Variants in SRXN1 observed in about 807,000 individuals in gnomAD.
SRXN1 encodes sulfiredoxin-1.
Under a neutral mutation model 11.0 loss-of-function variants are expected in SRXN1, and 11 were observed. The observed-to-expected ratio is 1.00, with a 90% CI of 0.63 to 1.65. The LOEUF is 1.65. Ranked by LOEUF, SRXN1 falls within the 40% of genes most tolerant of loss-of-function variation. The probability of loss-of-function intolerance (pLI) is 0.00; values close to 1 mark genes in which losing one functional copy is unlikely to be tolerated. For synonymous variants in SRXN1, 106 were observed against 92.8 expected, an observed-to-expected ratio of 1.14 and a Z score of -0.82; for missense variants, 211 against 194.5, an observed-to-expected ratio of 1.08 and a Z score of -0.50.
At chr20:652,366 G>T (rs1983694683) in intron 1 of SRXN1, among the ~76,000 whole-genome samples, 1 of 152,176 alleles carries the variant, frequency 6.6e-6, no homozygotes, top group Non-Finnish European at 1.5e-5. Flanking sequence ...CCAAGTTCCT[G>T]CCAGAATCAC....
rs1313694886 is a variant in SRXN1 at position 646,783 on chromosome 20, T to C, written c.*1931A>G. 1 of 152,082 alleles carries C rather than the reference T, an allele frequency of 6.6e-6. No homozygotes were observed. Among genetic ancestry groups the C allele is most frequent in the Non-Finnish European group, 1.5e-5 (1 of 68,010 alleles). 9.4% of individuals were successfully genotyped at this position (152,082 alleles called of 1,614,324 possible). A position where few individuals can be genotyped will look rare whatever the true frequency, so the allele number is the denominator to read the frequency against. ...GTCAAAACCAAGAGACTGAAATTGG[T>C]ATATTAACTAAAATTCAGACTTTTT... On this transcript the variant is annotated 3_prime_UTR_variant, in exon 2 of 2. Coordinates refer to ENST00000381962, the MANE Select transcript of SRXN1 (RefSeq NM_080725.3).
At position 647,959 on chromosome 20, in the gene SRXN1, C is replaced by G; in HGVS notation, c.*755G>C. The G allele has an allele frequency of 2.4e-6, 1 of 408,164 alleles. No homozygotes were observed. The highest frequency in any genetic ancestry group is 4.9e-6 in the Non-Finnish European group (1 of 202,622). 25.3% of individuals were successfully genotyped at this position (408,164 alleles called of 1,614,324 possible). A position where few individuals can be genotyped will look rare whatever the true frequency, so the allele number is the denominator to read the frequency against. On this transcript the variant is annotated 3_prime_UTR_variant, in exon 2 of 2. Transcript: ENST00000381962. ...TCTATTCAGCCATGACAATTCTGTTCCCTGCTGTCTTAGCTTTGTTTGCAG... is the reference window on the plus strand; with the variant it reads ...TCTATTCAGCCATGACAATTCTGTTGCCTGCTGTCTTAGCTTTGTTTGCAG...
rs145519957 is a variant in SRXN1 at position 648,565 on chromosome 20, T to G, written c.*149A>C. 1 of 843,008 alleles carries G rather than the reference T, an allele frequency of 1.2e-6. No individual in the cohort carries two copies. The highest frequency in any genetic ancestry group is 2.5e-5 in the East Asian group (1 of 40,274). 52.2% of individuals were successfully genotyped at this position (843,008 alleles called of 1,614,324 possible). A position where few individuals can be genotyped will look rare whatever the true frequency, so the allele number is the denominator to read the frequency against. ...ACTGTACAGTGAGTCCAAGGCCTTG[T>G]AGCTGGTGAGAGGGGTGCCCAGAGT... On this transcript the variant is annotated 3_prime_UTR_variant, in exon 2 of 2. Transcript: ENST00000381962.
intron 1 of SRXN1, 57 bp downstream of exon 1, chr20:652,919 G>T (rs1166293563): frequency 1.2e-4 from 115 of 941,796 alleles, no homozygotes; most frequent in Non-Finnish European, 1.4e-4. Context: ...CCCTCCTCCG[G>T]CAACCTCCCT....
chr20:648,366 AT>A lies in SRXN1; in HGVS notation c.*347del. On this transcript the variant is annotated 3_prime_UTR_variant, in exon 2 of 2. Coordinates refer to ENST00000381962, the MANE Select transcript of SRXN1 (RefSeq NM_080725.3). ...AAGGTTTTCCTTTCCTTGCAGCTGA[AT>A]GTAGTCCATATAAGAGGTTACATAG... The A allele has an allele frequency of 2.0e-6, 1 of 495,024 alleles. No homozygotes were observed. The highest frequency in any genetic ancestry group is 4.0e-6 in the Non-Finnish European group (1 of 253,026). The allele number at this position is 495,024 out of a possible 1,614,324, so 30.7% of individuals were successfully genotyped here.
In SRXN1 at chr20:653,020, C is replaced by T. The variant is rs1261839304; in HGVS notation, c.166G>A (p.Val56Met). 3 of 1,571,320 alleles carry T rather than the reference C, an allele frequency of 1.9e-6. No individual in the cohort carries two copies. Among genetic ancestry groups the T allele is most frequent in the Non-Finnish European group, 2.6e-6 (3 of 1,161,692 alleles). ...CTCTGCACCTTGGCGGGGTCCAACA[C>T]GGACGGCAGCGGCCGGATGAGCACG... Reference protein sequence around the residue: ...LSVLIRPLPSVLDPAKVQSLV... With the variant: ...LSVLIRPLPSMLDPAKVQSLV... The change falls in exon 1 of 2, where the codon GTG becomes ATG. Residue 56 changes from valine (V) to methionine (M), a missense_variant. Physicochemically the swap from Val to Met is conservative, Grantham distance 21 (BLOSUM62 1). Coordinates refer to ENST00000381962, the MANE Select transcript of SRXN1 (RefSeq NM_080725.3).
At position 648,567 on chromosome 20, in the gene SRXN1, G is replaced by A; in HGVS notation, c.*147C>T. The A allele has an allele frequency of 1.2e-6, 1 of 855,926 alleles. No homozygotes were observed. The highest frequency in any genetic ancestry group is 1.9e-6 in the Non-Finnish European group (1 of 533,492). The allele number at this position is 855,926 out of a possible 1,614,324, so 53.0% of individuals were successfully genotyped here. On this transcript the variant is annotated 3_prime_UTR_variant, in exon 2 of 2. Transcript: ENST00000381962. The stretch of plus-strand genomic sequence containing the variant: ...TGTACAGTGAGTCCAAGGCCTTGTA[G>A]CTGGTGAGAGGGGTGCCCAGAGTCA...
intron 1 of SRXN1, among the ~76,000 whole-genome samples, chr20:652,367 C>T (rs1358924469): frequency 6.6e-6 from 1 of 152,122 alleles, no homozygotes; most frequent in Admixed American, 6.5e-5. Context: ...CAAGTTCCTG[C>T]CAGAATCACT....
At chr20:652,243 C>T (rs925828217) in intron 1 of SRXN1, among the ~76,000 whole-genome samples, 2 of 152,002 alleles carry the variant, frequency 1.3e-5, no homozygotes, top group Admixed American at 1.3e-4. Flanking sequence ...TCGGGGGTGG[C>T]TGTAGAGGTG....
Position 647,914 on chromosome 20 carries a change from A to G in SRXN1, c.*800T>C, listed in dbSNP as rs1409210615. The G allele has an allele frequency of 2.8e-6, 1 of 362,876 alleles. No individual in the cohort carries two copies. The highest frequency in any genetic ancestry group is 3.6e-5 in the Admixed American group (1 of 28,050). The allele number at this position is 362,876 out of a possible 1,614,324, so 22.5% of individuals were successfully genotyped here. A position where few individuals can be genotyped will look rare whatever the true frequency, so the allele number is the denominator to read the frequency against. ...TTGCAGGAGGCAGTGTGCCAGTCTC[A>G]GTAGATGGAACACGATTGGTCTATT... On this transcript the variant is annotated 3_prime_UTR_variant, in exon 2 of 2. Transcript: ENST00000381962.
chr20:648,592 A>C lies in SRXN1; in HGVS notation c.*122T>G. 3 of 1,137,884 alleles carry C rather than the reference A, an allele frequency of 2.6e-6. No homozygotes were observed. The highest frequency in any genetic ancestry group is 2.6e-6 in the Non-Finnish European group (2 of 775,326). The allele number at this position is 1,137,884 out of a possible 1,614,324, so 70.5% of individuals were successfully genotyped here. ...GCTGGTGAGAGGGGTGCCCAGAGTC[A>C]GACCCTCTCGCCAGGTGCAAAGAGA... On this transcript the variant is annotated 3_prime_UTR_variant, in exon 2 of 2. Transcript: ENST00000381962.
intron 1 of SRXN1, among the ~76,000 whole-genome samples, chr20:650,515 C>T (rs1983645588): frequency 6.6e-6 from 1 of 152,198 alleles, no homozygotes; most frequent in Non-Finnish European, 1.5e-5. Flanking sequence ...GTAGAGCACT[C>T]TGGGGAGACC....
rs1983709004 is a variant in SRXN1 at position 652,882 on chromosome 20, TC to T, written c.210+93del. The T allele has an allele frequency of 4.6e-6, 6 of 1,303,650 alleles. No homozygotes were observed. The Admixed American group carries it at 2.0e-4, about 44-fold the overall frequency. 80.8% of individuals were successfully genotyped at this position (1,303,650 alleles called of 1,614,324 possible). On this transcript the variant is annotated intron_variant, in intron 1 of 1. Transcript: ENST00000381962. ...GAGCTCCGGCTGGGCCCGGAACCAG[TC>T]CGTCTCGCGTCCATCGCAGCGACCT... is the stretch of plus-strand genomic sequence containing the variant.
rs572050273 is a variant in SRXN1 at position 652,474 on chromosome 20, T to C, written c.210+502A>G. Among the ~76,000 whole-genome samples the C allele has an allele frequency of 1.1e-4, 16 of 152,232 alleles. No homozygotes were observed. In the South Asian group the frequency reaches 3.3e-3, roughly 32 times the overall value. On this transcript the variant is annotated intron_variant, in intron 1 of 1. Transcript: ENST00000381962. ...GGCCTCCCAGCAGATATGACACACC[T>C]AGTCCCACTGTCACTGACTGTCACA... is the stretch of plus-strand genomic sequence containing the variant.
In SRXN1 at chr20:647,070, G is replaced by A. The variant is rs1419342092; in HGVS notation, c.*1644C>T. On this transcript the variant is annotated 3_prime_UTR_variant, in exon 2 of 2. Transcript: ENST00000381962. ...TGCCTTACTCTGTTCCCTTTCCCCA[G>A]GGACTCTTGGTTTTCAGAAGCCCCT... 3 of 152,256 alleles carry A rather than the reference G, an allele frequency of 2.0e-5. No individual in the cohort carries two copies. Among genetic ancestry groups the A allele is most frequent in the Non-Finnish European group, 4.4e-5 (3 of 68,080 alleles). 9.4% of individuals were successfully genotyped at this position (152,256 alleles called of 1,614,324 possible). A position where few individuals can be genotyped will look rare whatever the true frequency, so the allele number is the denominator to read the frequency against.
In SRXN1 at chr20:647,922, G is replaced by C. The variant is rs1983572445; in HGVS notation, c.*792C>G. On this transcript the variant is annotated 3_prime_UTR_variant, in exon 2 of 2. Coordinates refer to ENST00000381962, the MANE Select transcript of SRXN1 (RefSeq NM_080725.3). Reference sequence around the variant, plus strand: ...GGCAGTGTGCCAGTCTCAGTAGATGGAACACGATTGGTCTATTCAGCCATG... The same window carrying C: ...GGCAGTGTGCCAGTCTCAGTAGATGCAACACGATTGGTCTATTCAGCCATG... 2.7e-6 allele frequency: 1 copy of C among 368,484 alleles called. No homozygotes were observed. Among genetic ancestry groups the C allele is most frequent in the Non-Finnish European group, 5.4e-6 (1 of 185,736 alleles). The allele number at this position is 368,484 out of a possible 1,614,324, so 22.8% of individuals were successfully genotyped here.
rs149427435 is a variant in SRXN1, at chr20:647,982, C to A, written c.*732G>T. On this transcript the variant is annotated 3_prime_UTR_variant, in exon 2 of 2. Coordinates refer to ENST00000381962, the MANE Select transcript of SRXN1 (RefSeq NM_080725.3). ...TTCCCTGCTGTCTTAGCTTTGTTTG[C>A]AGCTAGAGGTGCAATGGTAGCTGGC... 20 of 428,386 alleles carry A rather than the reference C, an allele frequency of 4.7e-5. 1 individual carries two copies. The highest frequency in any genetic ancestry group is 8.4e-5 in the South Asian group (5 of 59,284). 26.5% of individuals were successfully genotyped at this position (428,386 alleles called of 1,614,324 possible). A position where few individuals can be genotyped will look rare whatever the true frequency, so the allele number is the denominator to read the frequency against.
At position 647,732 on chromosome 20, in the gene SRXN1, G is replaced by A. The variant is rs559520640; in HGVS notation, c.*982C>T. ...GATCCCAGGTGTGAGCAGCAGAACT[G>A]CCCTGTTGAGCCCAGCCCAAATTGC... is the stretch of plus-strand genomic sequence containing the variant. On this transcript the variant is annotated 3_prime_UTR_variant, in exon 2 of 2. Coordinates refer to ENST00000381962, the MANE Select transcript of SRXN1 (RefSeq NM_080725.3). 2.7e-4 allele frequency: 88 copies of A among 330,720 alleles called. No homozygotes were observed. Among genetic ancestry groups the A allele is most frequent in the Non-Finnish European group, 5.0e-4 (85 of 170,158 alleles). The allele number at this position is 330,720 out of a possible 1,614,324, so 20.5% of individuals were successfully genotyped here. A position where few individuals can be genotyped will look rare whatever the true frequency, so the allele number is the denominator to read the frequency against.
At chr20:651,776 T>C (rs553687408) in intron 1 of SRXN1, among the ~76,000 whole-genome samples, 31 of 151,044 alleles carry the variant, frequency 2.1e-4, no homozygotes, top group African/African-American at 6.3e-4. Flanking sequence ...CCGGTAGGGA[T>C]GGTCAGGGAA....
Sources: allele counts gnomAD v4.1 joint callset (sites outside exome capture counted in the v4.1 genomes callset), GRCh38; gene constraint gnomAD v4.1.1; transcripts MANE v1.5; gene names NCBI Gene and HGNC (gene_info 2026-07-23, HGNC 2026-07-21).